Variants in CSMD1 observed in about 807,000 individuals in gnomAD.
CSMD1 encodes CUB and sushi domain-containing protein 1.
A neutral mutation model predicts 417.5 loss-of-function variants in CSMD1; 213 were observed. The ratio of observed to expected loss-of-function variants is 0.51; its 90% CI spans 0.46 to 0.57. The LOEUF is 0.57. Among genes scored for constraint, CSMD1 ranks in the 20% least tolerant of loss-of-function variants. The pLI is 0.00. For synonymous variants in CSMD1, 2,862 were observed against 1,736.8 expected, an observed-to-expected ratio of 1.65 and a Z score of -16.11; for missense variants, 6,923 against 4,529.7, an observed-to-expected ratio of 1.53 and a Z score of -15.17.
At chr8:4,675,832 A>C (rs996970542) in intron 1 of CSMD1, among the ~76,000 whole-genome samples, 1 of 152,196 alleles carries the variant, frequency 6.6e-6, no homozygotes, top group Non-Finnish European at 1.5e-5. Context: ...TACTCTAATC[A>C]TCACATTTAT....
intron 5 of CSMD1, among the ~76,000 whole-genome samples, chr8:3,984,218 A>G (rs1017269894): frequency 7.2e-6 from 1 of 138,272 alleles, no homozygotes; most frequent in African/African-American, 2.7e-5. Context: ...AGCCACCTGC[A>G]CAGTGAAGCC....
chr8:4,329,904 G>A (rs1041733093), intron 3 of CSMD1, among the ~76,000 whole-genome samples: 3 of 151,716 alleles, frequency 2.0e-5, no homozygotes, highest in African/African-American at 7.3e-5. Flanking sequence ...TCTTGTTCCT[G>A]CTCTGGCCAT....
At chr8:4,745,889 T>A (rs550578789) in intron 1 of CSMD1, among the ~76,000 whole-genome samples, 4 of 152,320 alleles carry the variant, frequency 2.6e-5, no homozygotes, top group Admixed American at 2.0e-4. Flanking sequence ...TGATCCAGGC[T>A]CAGCCACTTC....
chr8:3,396,843 A>T, intron 16 of CSMD1, among the ~76,000 whole-genome samples: 1 of 152,152 alleles, frequency 6.6e-6, no homozygotes, highest in Non-Finnish European at 1.5e-5. Context: ...AACAAAGAAG[A>T]TCATTAAAAA....
At chr8:3,765,386 C>G (rs1340946196) in intron 5 of CSMD1, among the ~76,000 whole-genome samples, 1 of 152,090 alleles carries the variant, frequency 6.6e-6, no homozygotes, top group Non-Finnish European at 1.5e-5. Context: ...TAGACTTAAC[C>G]ACTCCTACCT....
At chr8:4,802,056 A>G (rs1798317121) in intron 1 of CSMD1, among the ~76,000 whole-genome samples, 1 of 152,230 alleles carries the variant, frequency 6.6e-6, no homozygotes, top group Admixed American at 6.5e-5. Flanking sequence ...GGACGTAGCT[A>G]TATAGCCTAG....
intron 3 of CSMD1, among the ~76,000 whole-genome samples, chr8:4,063,942 T>C (rs1799110821): frequency 6.6e-6 from 1 of 152,134 alleles, no homozygotes. Context: ...CCAGATTTCA[T>C]TAAATCATAA....
At position 4,982,451 on chromosome 8, in the gene CSMD1, T is replaced by C. The variant is rs574939146; in HGVS notation, c.85+11881A>G. 1.9e-4 allele frequency among the ~76,000 whole-genome samples: 29 copies of C among 152,270 alleles called. No individual in the cohort carries two copies. In the South Asian group the frequency reaches 5.8e-3, roughly 30 times the overall value. On this transcript the variant is annotated intron_variant, in intron 1 of 69. Transcript: ENST00000635120. ...CTACAAATACTGTTGGCTTTCTGTCTCTCTCCCTCATTTGGAGACAAAGAA... is the reference window on the plus strand; with the variant it reads ...CTACAAATACTGTTGGCTTTCTGTCCCTCTCCCTCATTTGGAGACAAAGAA...
In CSMD1 at chr8:4,902,434, G is replaced by GAA. The variant is rs11459550; in HGVS notation, c.85+91896_85+91897dup. 1.4e-3 allele frequency among the ~76,000 whole-genome samples: 199 copies of GAA among 139,950 alleles called. 2 individuals carry two copies. Among genetic ancestry groups the GAA allele is most frequent in the Admixed American group, 3.1e-3 (44 of 14,266 alleles). 91.8% of individuals were successfully genotyped at this position (139,950 alleles called of 152,430 possible). ...AACAAGAACCCATCTCTAAAGAGGA[G>GAA]AAAAAAAAAAAAGAAAGGAAACTAC... On this transcript the variant is annotated intron_variant, in intron 1 of 69. Coordinates refer to ENST00000635120, the MANE Select transcript of CSMD1 (RefSeq NM_033225.6).
intron 6 of CSMD1, among the ~76,000 whole-genome samples, chr8:3,723,928 T>C (rs4454300): frequency 0.71 from 106,761 of 151,368 alleles, 38,673 homozygotes; most frequent in South Asian, 0.85. Context: ...TTCCATTTTG[T>C]AGCTAACTTT....
chr8:2,967,999 C>T (rs1378164629), intron 57 of CSMD1, among the ~76,000 whole-genome samples: 1 of 152,186 alleles, frequency 6.6e-6, no homozygotes. Flanking sequence ...TCTGATGGTT[C>T]ACGGTGTGAC....
At chr8:4,307,600 AC>A (rs1448168626) in intron 3 of CSMD1, among the ~76,000 whole-genome samples, 1 of 152,150 alleles carries the variant, frequency 6.6e-6, no homozygotes, top group African/African-American at 2.4e-5. Context: ...CTCTGTACCC[AC>A]CCAACTTGTG....
chr8:4,355,837 C>G (rs189965038), intron 3 of CSMD1, among the ~76,000 whole-genome samples: 2 of 152,100 alleles, frequency 1.3e-5, no homozygotes, highest in Non-Finnish European at 2.9e-5. Flanking sequence ...GATTCCAGGC[C>G]GAAAGTAGAG....
intron 3 of CSMD1, among the ~76,000 whole-genome samples, chr8:4,200,778 G>C (rs534609060): frequency 2.6e-5 from 4 of 152,190 alleles, no homozygotes; most frequent in East Asian, 1.9e-4. Context: ...GGGAGGATTT[G>C]TTAATGGAGA....
At chr8:3,723,687 C>G (rs760981588) in intron 6 of CSMD1, among the ~76,000 whole-genome samples, 1 of 152,078 alleles carries the variant, frequency 6.6e-6, no homozygotes, top group Non-Finnish European at 1.5e-5. Context: ...TTGGTAAGAG[C>G]AGGGTGATAT....
At chr8:4,226,343 A>C (rs539536717) in intron 3 of CSMD1, among the ~76,000 whole-genome samples, 3 of 152,210 alleles carry the variant, frequency 2.0e-5, no homozygotes, top group Non-Finnish European at 4.4e-5. Flanking sequence ...TCTACTTAAA[A>C]ATGTATTTAT....
At chr8:4,049,142 T>A (rs977367566) in intron 3 of CSMD1, among the ~76,000 whole-genome samples, 3 of 152,206 alleles carry the variant, frequency 2.0e-5, no homozygotes, top group African/African-American at 7.2e-5. Context: ...TTCTTTCTTA[T>A]TCTTCTGTTG....
intron 8 of CSMD1, among the ~76,000 whole-genome samples, chr8:3,605,732 A>G (rs1801580554): frequency 6.6e-6 from 1 of 152,246 alleles, no homozygotes; most frequent in South Asian, 2.1e-4. Context: ...GAATAGTAAC[A>G]TGCACATACC....
rs1465520966 is a variant in CSMD1, at chr8:3,343,420, G to C, written c.3505C>G (p.Pro1169Ala). ...VYDGKDSSSR[P>A]LGTFTKNELL... is the part of the protein sequence containing the mutation. ...TCATTTTTAGTGAACGTGCCCAGTG[G>C]ACGTGAGGAACTGTCTTTTCCATCA... Residue 1169 changes from proline (P) to alanine (A), a missense_variant, in exon 23 of 70, where the codon CCA (proline) becomes GCA (alanine). Coordinates refer to ENST00000635120, the MANE Select transcript of CSMD1 (RefSeq NM_033225.6). 1.2e-6 allele frequency: 2 copies of C among 1,613,750 alleles called. No individual in the cohort carries two copies. The highest frequency in any genetic ancestry group is 2.2e-5 in the East Asian group (1 of 44,848).
Sources: allele counts gnomAD v4.1 joint callset (sites outside exome capture counted in the v4.1 genomes callset), GRCh38; gene constraint gnomAD v4.1.1; transcripts MANE v1.5; gene names NCBI Gene and HGNC (gene_info 2026-07-23, HGNC 2026-07-21).